The following ZNF365 variants were observed in gnomAD, a reference collection of about 807,000 sequenced individuals.
The protein encoded by ZNF365 is zinc finger protein 365.
Under a neutral mutation model 35.0 loss-of-function variants are expected in ZNF365, and 22 were observed. The ratio of observed to expected loss-of-function variants is 0.63; its 90% CI spans 0.45 to 0.90. The LOEUF is 0.90. Ranked by LOEUF, ZNF365 falls within the 40% of genes least tolerant of loss-of-function variation. ZNF365 has a pLI of 0.00. For synonymous variants in ZNF365, 188 were observed against 196.2 expected (o/e 0.96, Z 0.35); for missense variants, 448 against 500.3 (o/e 0.90, Z 1.00).
chr10:62,409,351 ATCTGGTTC>A (rs1332265236), intron 3 of ZNF365, among the ~76,000 whole-genome samples: 1 of 152,124 alleles, frequency 6.6e-6, no homozygotes, highest in Non-Finnish European at 1.5e-5. Context: ...GCACCTCCAG[ATCTGGTTC>A]TCTGTCCTCC....
chr10:62,433,869 GT>G (rs940151708), intron 3 of ZNF365, among the ~76,000 whole-genome samples: 4 of 152,156 alleles, frequency 2.6e-5, no homozygotes, highest in Non-Finnish European at 4.4e-5. Context: ...TATTTTTATA[GT>G]TTTTTAGTGG....
chr10:62,405,708 C>T (rs1016314294), downstream of ZNF365, among the ~76,000 whole-genome samples: 3 of 152,182 alleles, frequency 2.0e-5, no homozygotes, highest in Admixed American at 2.0e-4. Flanking sequence ...TTCGAAGTCT[C>T]AGATTGAAGT....
intron 3 of ZNF365, among the ~76,000 whole-genome samples, chr10:62,454,630 T>C (rs1483253004): frequency 6.6e-6 from 1 of 150,706 alleles, no homozygotes; most frequent in Non-Finnish European, 1.5e-5. Flanking sequence ...ATGTGCTTCA[T>C]GTTTTTTTTT....
chr10:62,455,673 G>T (rs1424899160), intron 3 of ZNF365, among the ~76,000 whole-genome samples: 1 of 151,842 alleles, frequency 6.6e-6, no homozygotes, highest in African/African-American at 2.4e-5. Context: ...CTTAGAGAAG[G>T]ATAGAAAATA....
Position 62,399,948 on chromosome 10 carries a change from A to T in ZNF365, c.*159A>T. 7.4e-7 allele frequency: 1 copy of T among 1,358,776 alleles called. No individual in the cohort carries two copies. Among genetic ancestry groups the T allele is most frequent in the South Asian group, 2.2e-5 (1 of 45,540 alleles). The allele number at this position is 1,358,776 out of a possible 1,614,324, so 84.2% of individuals were successfully genotyped here. ...ACCTCAATTAACCAGAGCTTAGCAA[A>T]TGGGAATCTTAGTGAACCAGAATTT... On this transcript the variant is annotated 3_prime_UTR_variant, in exon 5 of 5. Coordinates refer to ENST00000395254, the MANE Select transcript of ZNF365 (RefSeq NM_014951.3).
At chr10:62,475,140 C>T (rs748816040) in intron 4 of ZNF365, among the ~76,000 whole-genome samples, 22 of 152,210 alleles carry the variant, frequency 1.4e-4, no homozygotes, top group Non-Finnish European at 2.9e-4. Context: ...AGCTCCTTTC[C>T]CCTATTTCAA....
At chr10:62,444,443 T>C (rs1251858901) in intron 3 of ZNF365, among the ~76,000 whole-genome samples, 2 of 152,134 alleles carry the variant, frequency 1.3e-5, no homozygotes, top group Non-Finnish European at 2.9e-5. Flanking sequence ...TCCTTATCTA[T>C]GGTTCTAGTT....
chr10:62,478,984 A>G (rs1429758495), intron 4 of ZNF365, among the ~76,000 whole-genome samples: 1 of 152,246 alleles, frequency 6.6e-6, no homozygotes, highest in African/African-American at 2.4e-5. Flanking sequence ...GATTCTTATC[A>G]AAGAATTTCT....
At chr10:62,379,543 C>G (rs770616126) in intron 2 of ZNF365, among the ~76,000 whole-genome samples, 1 of 151,812 alleles carries the variant, frequency 6.6e-6, no homozygotes, top group Non-Finnish European at 1.5e-5. Context: ...TAAAGTGGGA[C>G]TGAAAGAGTC....
chr10:62,451,858 C>T (rs1402433306), intron 3 of ZNF365, among the ~76,000 whole-genome samples: 1 of 152,198 alleles, frequency 6.6e-6, no homozygotes, highest in Admixed American at 6.5e-5. Context: ...ACATTCCAAA[C>T]TGGAGGATTG....
chr10:62,431,872 TA>T (rs973969633), intron 3 of ZNF365, among the ~76,000 whole-genome samples: 120 of 151,712 alleles, frequency 7.9e-4, no homozygotes, highest in African/African-American at 2.7e-3. Flanking sequence ...TTTTTTTTTT[TA>T]AAGTACCCAA....
At chr10:62,444,124 C>G (rs552833444) in intron 3 of ZNF365, among the ~76,000 whole-genome samples, 63 of 152,312 alleles carry the variant, frequency 4.1e-4, no homozygotes, top group South Asian at 1.0e-3. Flanking sequence ...GCCATTTCCT[C>G]TCACTCCAGG....
At chr10:62,462,353 GAGA>G (rs1278797566) in intron 4 of ZNF365, among the ~76,000 whole-genome samples, 1 of 152,254 alleles carries the variant, frequency 6.6e-6, no homozygotes, top group African/African-American at 2.4e-5. Flanking sequence ...CTTTAGGCTG[GAGA>G]AGAAGAGACT....
At chr10:62,434,187 C>T (rs1291291469) in intron 3 of ZNF365, among the ~76,000 whole-genome samples, 1 of 152,052 alleles carries the variant, frequency 6.6e-6, no homozygotes, top group Non-Finnish European at 1.5e-5. Flanking sequence ...TTTTTTTGTT[C>T]AGACAAGTTT....
At chr10:62,460,690 T>C (rs1278981063) in intron 4 of ZNF365, among the ~76,000 whole-genome samples, 4 of 152,090 alleles carry the variant, frequency 2.6e-5, no homozygotes, top group Admixed American at 6.5e-5. Context: ...ATGGGAACAA[T>C]AGAGGTTAAT....
At chr10:62,404,859 A>G (rs961205422), downstream of ZNF365, among the ~76,000 whole-genome samples, 5 of 152,144 alleles carry the variant, frequency 3.3e-5, no homozygotes, top group Non-Finnish European at 7.4e-5. Flanking sequence ...TGGAGATTTT[A>G]TTTCACTGAC....
chr10:62,391,135 A>T (rs1286370431), intron 3 of ZNF365, among the ~76,000 whole-genome samples: 1 of 152,244 alleles, frequency 6.6e-6, no homozygotes, highest in Non-Finnish European at 1.5e-5. Context: ...CTTTTAAATT[A>T]TTTTTTAACC....
chr10:62,382,276 G>C (rs1839452498), intron 2 of ZNF365, among the ~76,000 whole-genome samples: 1 of 152,198 alleles, frequency 6.6e-6, no homozygotes, highest in Admixed American at 6.5e-5. Context: ...TTCATAGCTA[G>C]AAAGCAGGCC....
intron 3 of ZNF365, among the ~76,000 whole-genome samples, chr10:62,423,852 A>G (rs537113588): frequency 5.9e-5 from 9 of 152,302 alleles, no homozygotes; most frequent in Admixed American, 2.0e-4. Context: ...ATTTGGCACT[A>G]TGATTACATA....
Sources: gnomAD v4.1 joint callset for allele counts (sites outside exome capture counted in the v4.1 genomes callset) on GRCh38, gnomAD v4.1.1 for gene constraint, MANE v1.5 for transcripts, NCBI Gene and HGNC (gene_info 2026-07-23, HGNC 2026-07-21) for gene names.